The following ARHGAP5 variants were observed in gnomAD, a reference collection of about 807,000 sequenced individuals.
The protein encoded by ARHGAP5 is Rho GTPase activating protein 5.
ARHGAP5 carries 23 observed loss-of-function variants against 116.6 expected under a neutral mutation model. That is an observed-to-expected ratio of 0.20 (90% CI 0.14 to 0.28). The LOEUF is 0.28. ARHGAP5 is among the 10% of genes least tolerant of loss of function. The pLI, the probability that ARHGAP5 is intolerant of heterozygous loss-of-function variation, is 1.00. For synonymous variants in ARHGAP5, 574 were observed against 602.0 expected (o/e 0.95, Z 0.68); for missense variants, 1,405 against 1,774.8 (o/e 0.79, Z 3.74).
intron 3 of ARHGAP5, among the ~76,000 whole-genome samples, chr14:32,130,933 A>G (rs1432819923): frequency 6.6e-6 from 1 of 152,208 alleles, no homozygotes; most frequent in Admixed American, 6.5e-5. Flanking sequence ...TTCACCGAGT[A>G]AACTTTTTAC....
At chr14:32,081,293 A>G (rs2041770188) in intron 1 of ARHGAP5, among the ~76,000 whole-genome samples, 3 of 152,222 alleles carry the variant, frequency 2.0e-5, no homozygotes, top group Admixed American at 6.5e-5. Context: ...AAAGGAAAGT[A>G]TTACTTGGAA....
chr14:32,153,582 C>T (rs1450263022), intron 6 of ARHGAP5, among the ~76,000 whole-genome samples: 2 of 147,618 alleles, frequency 1.4e-5, no homozygotes, highest in East Asian at 4.1e-4. Context: ...AAGCAGTTCT[C>T]TTGCCTCAGC....
chr14:32,085,787 C>T (rs1358206376), intron 1 of ARHGAP5, among the ~76,000 whole-genome samples: 1 of 152,100 alleles, frequency 6.6e-6, no homozygotes, highest in East Asian at 1.9e-4. Flanking sequence ...AGTCTTTAAA[C>T]AGCCAAAAAT....
rs7152756 is a variant in ARHGAP5 at position 32,157,599 on chromosome 14, T to A, written c.*2651T>A. 19,901 of 152,142 alleles carry A rather than the reference T, an allele frequency of 0.13. 1,862 individuals are homozygous for A. The highest frequency in any genetic ancestry group is 0.29 in the Admixed American group (4,444 of 15,242). 9.4% of individuals were successfully genotyped at this position (152,142 alleles called of 1,614,324 possible). A position where few individuals can be genotyped will look rare whatever the true frequency, so the allele number is the denominator to read the frequency against. The stretch of plus-strand genomic sequence containing the variant: ...ACACTTTCAGTAGATTTATTAGAAG[T>A]CAAATTCTATTCAACAGACACTTAT... On this transcript the variant is annotated 3_prime_UTR_variant, in exon 7 of 7. Coordinates refer to ENST00000345122, the MANE Select transcript of ARHGAP5 (RefSeq NM_001030055.2).
chr14:32,122,819 T>G (rs1879954896), intron 3 of ARHGAP5, among the ~76,000 whole-genome samples: 1 of 152,202 alleles, frequency 6.6e-6, no homozygotes, highest in African/African-American at 2.4e-5. Context: ...ACCATAAATG[T>G]GAAGGTTTAT....
chr14:32,110,223 AGAT>A (rs1217487936), intron 2 of ARHGAP5, among the ~76,000 whole-genome samples: 1 of 151,022 alleles, frequency 6.6e-6, no homozygotes, highest in East Asian at 1.9e-4. Flanking sequence ...AAAAAAAAAA[AGAT>A]GATACGTGAG....
chr14:32,153,406 CAAAAAAAAAAAAAAAAAAAAAA>C (rs771660350), intron 6 of ARHGAP5, among the ~76,000 whole-genome samples: 71 of 15,154 alleles, frequency 4.7e-3, no homozygotes, highest in South Asian at 0.013. Flanking sequence ...GACTCTGTCT[CAAAAAAAAAAAAAAAAAAAAAA>C]AAAAAAAAAA....
intron 3 of ARHGAP5, among the ~76,000 whole-genome samples, chr14:32,123,238 T>C (rs1292816158): frequency 6.6e-6 from 1 of 152,064 alleles, no homozygotes; most frequent in Non-Finnish European, 1.5e-5. Context: ...GCATCTTAGC[T>C]CTCTTAGTTT....
At chr14:32,126,879 G>A (rs896876334) in intron 3 of ARHGAP5, among the ~76,000 whole-genome samples, 3 of 151,820 alleles carry the variant, frequency 2.0e-5, no homozygotes, top group Admixed American at 1.3e-4. Flanking sequence ...GGTAGTGATG[G>A]ATGCACAATA....
At chr14:32,117,381 T>G in intron 3 of ARHGAP5, 94 bp downstream of exon 3, 1 of 1,168,796 alleles carries the variant, frequency 8.6e-7, no homozygotes, top group Non-Finnish European at 1.2e-6. Flanking sequence ...GTTAATATAG[T>G]TCTCATTATT....
chr14:32,080,773 T>A (rs527722042), intron 1 of ARHGAP5, among the ~76,000 whole-genome samples: 70 of 149,782 alleles, frequency 4.7e-4, no homozygotes, highest in African/African-American at 1.7e-3. Context: ...CCAAAAAGGA[T>A]AATTTTTTTT....
Position 32,091,592 on chromosome 14 carries a change from A to C in ARHGAP5, c.923A>C (p.Asn308Thr). The C allele has an allele frequency of 6.2e-7, 1 of 1,612,652 alleles. No individual in the cohort carries two copies. The highest frequency in any genetic ancestry group is 8.5e-7 in the Non-Finnish European group (1 of 1,179,290). Residue 308 changes from asparagine to threonine, a missense_variant, in exon 2 of 7, where the codon AAC (asparagine) becomes ACC (threonine). Around this residue, in one of 6 missense-constraint regions of ARHGAP5, gnomAD observed 944 missense variants for 1,095.3 expected, o/e 0.86. Transcript: ENST00000345122. ...CATCCTGATTATGAAGAATACATCA[A>C]CTTAGAGGGAACAAGAAAGGCCAGA... ...KNHPDYEEYI[N>T]LEGTRKARNT...
At chr14:32,139,824 C>T (rs1041324468) in intron 3 of ARHGAP5, among the ~76,000 whole-genome samples, 5 of 149,798 alleles carry the variant, frequency 3.3e-5, no homozygotes, top group South Asian at 2.1e-4. Flanking sequence ...TGCAGGTTTC[C>T]GTCTGAAAAT....
intron 2 of ARHGAP5, among the ~76,000 whole-genome samples, chr14:32,103,997 T>G (rs1878901883): frequency 6.6e-6 from 1 of 152,220 alleles, no homozygotes; most frequent in African/African-American, 2.4e-5. Context: ...TTTTGGAAAT[T>G]GTTCTTAGCC....
Position 32,095,074 on chromosome 14 carries a change from CACTT to C in ARHGAP5, c.3717+690_3717+693del, listed in dbSNP as rs1878450688. 5.3e-5 allele frequency among the ~76,000 whole-genome samples: 8 copies of C among 152,286 alleles called. No individual in the cohort carries two copies. In the South Asian group the frequency reaches 1.7e-3, roughly 32 times the overall value. ...CAACTTCACTTCTAATACTGTTTGA[CACTT>C]AATTGCACACAAACTTGTATTTAAG... On this transcript the variant is annotated intron_variant, in intron 2 of 6. Transcript: ENST00000345122.
At chr14:32,148,711 T>A (rs951010390) in intron 4 of ARHGAP5, among the ~76,000 whole-genome samples, 6 of 152,178 alleles carry the variant, frequency 3.9e-5, no homozygotes, top group African/African-American at 1.4e-4. Flanking sequence ...ATGTTAACAA[T>A]TGATTTGGCA....
rs1299863292 is a variant in ARHGAP5, at chr14:32,157,426, C to T, written c.*2478C>T. 6.6e-6 allele frequency: 1 copy of T among 152,210 alleles called. No individual in the cohort carries two copies. Among genetic ancestry groups the T allele is most frequent in the Admixed American group, 6.6e-5 (1 of 15,236 alleles). 9.4% of individuals were successfully genotyped at this position (152,210 alleles called of 1,614,324 possible). A position where few individuals can be genotyped will look rare whatever the true frequency, so the allele number is the denominator to read the frequency against. ...TCATAATTGTGAGTAAACATCAAGG[C>T]ATTATATTTTACAATACTGAATAAA... is the stretch of plus-strand genomic sequence containing the variant. On this transcript the variant is annotated 3_prime_UTR_variant, in exon 7 of 7. Coordinates refer to ENST00000345122, the MANE Select transcript of ARHGAP5 (RefSeq NM_001030055.2).
At chr14:32,111,960 A>G (rs940971201) in intron 2 of ARHGAP5, among the ~76,000 whole-genome samples, 1 of 149,862 alleles carries the variant, frequency 6.7e-6, no homozygotes, top group South Asian at 2.1e-4. Context: ...CTCAGACTAC[A>G]GGCTCACGCC....
At chr14:32,117,018 A>T (rs1879638289) in intron 2 of ARHGAP5, 122 bp from the exon 3 acceptor site, 2 of 651,492 alleles carry the variant, frequency 3.1e-6, no homozygotes, top group Non-Finnish European at 4.7e-6. Context: ...ATATTGGTGG[A>T]CATTTAGGTT....
Sources: gnomAD v4.1 joint callset for allele counts (sites outside exome capture counted in the v4.1 genomes callset) on GRCh38, gnomAD v4.1.1 for gene constraint, gnomAD v4.1.1 regional missense constraint, MANE v1.5 for transcripts, NCBI Gene and HGNC (gene_info 2026-07-23, HGNC 2026-07-21) for gene names.